FAM184A: variants seen among roughly 807,000 people sequenced by gnomAD.
FAM184A encodes the protein protein FAM184A.
FAM184A carries 99 observed loss-of-function variants against 143.8 expected under a neutral mutation model. The observed-to-expected ratio is 0.69, with a 90% CI of 0.58 to 0.81. FAM184A has a LOEUF of 0.81. Among genes scored for constraint, FAM184A ranks in the 40% least tolerant of loss-of-function variants. The pLI is 0.00. For synonymous variants in FAM184A, 427 were observed against 446.4 expected (o/e 0.96, Z 0.55); for missense variants, 1,217 against 1,310.5 (o/e 0.93, Z 1.10).
chr6:119,111,245 G>C (rs1048689464), intron 1 of FAM184A, among the ~76,000 whole-genome samples: 27 of 152,150 alleles, frequency 1.8e-4, no homozygotes, highest in Non-Finnish European at 3.5e-4. Context: ...AGACTTAACT[G>C]CAATAAGCCA....
At chr6:118,998,286 A>T (rs1206007455) in intron 9 of FAM184A, among the ~76,000 whole-genome samples, 1 of 152,200 alleles carries the variant, frequency 6.6e-6, no homozygotes, top group Non-Finnish European at 1.5e-5. Flanking sequence ...TCCAGGTCCT[A>T]ATTGGGCAGA....
intron 1 of FAM184A, among the ~76,000 whole-genome samples, chr6:119,144,721 G>A (rs1168161196): frequency 6.6e-6 from 1 of 152,222 alleles, no homozygotes; most frequent in Admixed American, 6.5e-5. Context: ...GCCTCCAAAA[G>A]CATGCTGCTT....
At chr6:118,998,430 C>T (rs916224606) in intron 9 of FAM184A, among the ~76,000 whole-genome samples, 1 of 152,172 alleles carries the variant, frequency 6.6e-6, no homozygotes, top group Non-Finnish European at 1.5e-5. Context: ...TAGTGAATAC[C>T]ACAAAGGTCC....
At chr6:118,994,417 T>C (rs1784475622) in intron 9 of FAM184A, among the ~76,000 whole-genome samples, 1 of 151,800 alleles carries the variant, frequency 6.6e-6, no homozygotes, top group South Asian at 2.1e-4. Flanking sequence ...CCGGGTGCGG[T>C]GGCTCACACC....
intron 1 of FAM184A, among the ~76,000 whole-genome samples, chr6:119,098,821 G>A (rs745530552): frequency 2.0e-5 from 3 of 152,178 alleles, no homozygotes; most frequent in Non-Finnish European, 2.9e-5. Flanking sequence ...AACAACTCAG[G>A]TACATGTGTT....
At chr6:119,008,633 T>C (rs1004218462) in intron 6 of FAM184A, among the ~76,000 whole-genome samples, 4 of 152,138 alleles carry the variant, frequency 2.6e-5, no homozygotes, top group African/African-American at 9.7e-5. Flanking sequence ...TCATTTGCAA[T>C]AGAAATAAAT....
intron 9 of FAM184A, among the ~76,000 whole-genome samples, chr6:118,986,081 CAGG>C (rs1784184158): frequency 6.6e-6 from 1 of 152,134 alleles, no homozygotes; most frequent in African/African-American, 2.4e-5. Context: ...ATCACGAGGT[CAGG>C]AGATCGAGAC....
At chr6:118,994,490 C>G (rs1185690093) in intron 9 of FAM184A, among the ~76,000 whole-genome samples, 1 of 151,306 alleles carries the variant, frequency 6.6e-6, no homozygotes, top group African/African-American at 2.4e-5. Flanking sequence ...ATTGAGACCA[C>G]CCTGGCTAAC....
chr6:119,145,509 A>G (rs929230724), intron 1 of FAM184A, among the ~76,000 whole-genome samples: 2 of 152,172 alleles, frequency 1.3e-5, no homozygotes, highest in African/African-American at 4.8e-5. Flanking sequence ...AACAGCAAAT[A>G]ATATCAAAAA....
At chr6:119,074,016 C>T (rs191599134) in intron 1 of FAM184A, among the ~76,000 whole-genome samples, 4 of 152,250 alleles carry the variant, frequency 2.6e-5, no homozygotes, top group African/African-American at 9.6e-5. Flanking sequence ...GAGTAAGCAA[C>T]CAATCAGCGC....
At chr6:119,017,052 C>T (rs934372627) in intron 4 of FAM184A, 108 bp from the exon 5 acceptor site, 9 of 699,668 alleles carry the variant, frequency 1.3e-5, no homozygotes, top group South Asian at 3.9e-5. Context: ...CTGAGTGCTA[C>T]GGGATCTAGA....
intron 1 of FAM184A, among the ~76,000 whole-genome samples, chr6:119,125,557 T>C (rs1164593004): frequency 2.6e-5 from 4 of 152,162 alleles, no homozygotes; most frequent in African/African-American, 9.6e-5. Flanking sequence ...TTTCCTTATT[T>C]TAAAGCTCAT....
chr6:119,064,332 G>A (rs549413560), intron 1 of FAM184A, among the ~76,000 whole-genome samples: 12 of 152,300 alleles, frequency 7.9e-5, no homozygotes, highest in African/African-American at 2.6e-4. Flanking sequence ...TTTGTAACCT[G>A]ACTGCTTCTC....
At chr6:119,127,648 C>T (rs561557400) in intron 1 of FAM184A, among the ~76,000 whole-genome samples, 1 of 152,088 alleles carries the variant, frequency 6.6e-6, no homozygotes, top group Non-Finnish European at 1.5e-5. Context: ...GAATTCCCTA[C>T]CAGGTAGGAA....
chr6:119,084,963 G>A (rs915987707), intron 1 of FAM184A, among the ~76,000 whole-genome samples: 5 of 152,356 alleles, frequency 3.3e-5, no homozygotes, highest in African/African-American at 1.2e-4. Flanking sequence ...GGGCAGCAGG[G>A]TCCTGGGTGT....
At chr6:118,998,415 T>A (rs1784639824) in intron 9 of FAM184A, among the ~76,000 whole-genome samples, 1 of 152,236 alleles carries the variant, frequency 6.6e-6, no homozygotes, top group Non-Finnish European at 1.5e-5. Flanking sequence ...GTGCTGGGGA[T>A]ACCCTAGTGA....
At chr6:118,984,938 G>T (rs1046107585) in intron 9 of FAM184A, among the ~76,000 whole-genome samples, 3 of 152,218 alleles carry the variant, frequency 2.0e-5, no homozygotes, top group Non-Finnish European at 4.4e-5. Flanking sequence ...AAAGTGGTTC[G>T]TTATGAAAAT....
chr6:119,061,479 C>T (rs1452614460), intron 1 of FAM184A, among the ~76,000 whole-genome samples: 2 of 150,544 alleles, frequency 1.3e-5, no homozygotes, highest in Non-Finnish European at 2.9e-5. Context: ...CCTCAGCCTC[C>T]TAAGTATCTG....
intron 1 of FAM184A, among the ~76,000 whole-genome samples, chr6:119,085,229 AT>A (rs1022923859): frequency 2.6e-5 from 4 of 152,032 alleles, no homozygotes; most frequent in African/African-American, 4.8e-5. Context: ...GTTTCAGATA[AT>A]TTTTTTTCTC....
Sources: gnomAD v4.1 joint callset for allele counts (sites outside exome capture counted in the v4.1 genomes callset) on GRCh38, gnomAD v4.1.1 for gene constraint, MANE v1.5 for transcripts, NCBI Gene and HGNC (gene_info 2026-07-23, HGNC 2026-07-21) for gene names.